The following FAM83B variants were observed in gnomAD, a reference collection of about 807,000 sequenced individuals.
FAM83B encodes protein FAM83B.
Under a neutral mutation model 38.8 loss-of-function variants are expected in FAM83B, and 26 were observed. The observed-to-expected ratio is 0.67, with a 90% CI of 0.49 to 0.93. FAM83B has a LOEUF of 0.93. FAM83B is among the 40% of genes least tolerant of loss of function. The pLI is 0.00. For synonymous variants in FAM83B, 419 were observed against 423.1 expected (o/e 0.99, Z 0.12); for missense variants, 1,237 against 1,197.3 (o/e 1.03, Z -0.49).
chr6:54,910,756 C>T (rs1259985586), intron 2 of FAM83B, among the ~76,000 whole-genome samples: 1 of 152,170 alleles, frequency 6.6e-6, no homozygotes, highest in East Asian at 1.9e-4. Context: ...CCTGCCAGAA[C>T]CCTGAATGAT....
At chr6:54,883,002 G>C (rs1772169356) in intron 2 of FAM83B, among the ~76,000 whole-genome samples, 1 of 152,046 alleles carries the variant, frequency 6.6e-6, no homozygotes, top group Non-Finnish European at 1.5e-5. Context: ...GGAGTGCAGT[G>C]GCGCGATCTC....
chr6:54,879,652 G>T (rs7748753), intron 2 of FAM83B, among the ~76,000 whole-genome samples: 6,365 of 152,152 alleles, frequency 0.042, 437 homozygotes, highest in African/African-American at 0.14. Context: ...TGTTGAGAGA[G>T]GTTGATTACG....
chr6:54,939,431 A>T (rs975222639), intron 4 of FAM83B, among the ~76,000 whole-genome samples: 3 of 152,098 alleles, frequency 2.0e-5, no homozygotes, highest in Non-Finnish European at 4.4e-5. Context: ...AATTGCATTG[A>T]ATCTGCAGAT....
At chr6:54,854,763 A>G (rs950341852) in intron 1 of FAM83B, among the ~76,000 whole-genome samples, 1 of 152,208 alleles carries the variant, frequency 6.6e-6, no homozygotes, top group Non-Finnish European at 1.5e-5. Context: ...GCGTATGCCT[A>G]GGTGTGAAAG....
chr6:54,855,476 C>T (rs574530694), intron 1 of FAM83B, among the ~76,000 whole-genome samples: 3 of 152,224 alleles, frequency 2.0e-5, no homozygotes, highest in South Asian at 2.1e-4. Context: ...AATTCATGTC[C>T]GTTGATATCT....
At chr6:54,929,483 T>C (rs958800147) in intron 4 of FAM83B, among the ~76,000 whole-genome samples, 3 of 152,114 alleles carry the variant, frequency 2.0e-5, no homozygotes, top group African/African-American at 7.2e-5. Context: ...CAGGAAAACA[T>C]GAGGAGTTTT....
chr6:54,889,553 C>T (rs1427655603), intron 2 of FAM83B, among the ~76,000 whole-genome samples: 1 of 152,060 alleles, frequency 6.6e-6, no homozygotes, highest in Admixed American at 6.6e-5. Flanking sequence ...TTGCATATAA[C>T]CTACATACAT....
chr6:54,866,735 A>C (rs1458583932), intron 1 of FAM83B, among the ~76,000 whole-genome samples: 3 of 152,112 alleles, frequency 2.0e-5, no homozygotes, highest in Admixed American at 2.0e-4. Context: ...GCTGCTATAA[A>C]TATTTGTGTA....
At chr6:54,937,126 AT>A (rs1773538081) in intron 4 of FAM83B, among the ~76,000 whole-genome samples, 1 of 151,532 alleles carries the variant, frequency 6.6e-6, no homozygotes, top group African/African-American at 2.4e-5. Context: ...AGATGCTTCA[AT>A]GTGGAGAGTG....
upstream of FAM83B, among the ~76,000 whole-genome samples, chr6:54,846,475 C>A (rs1008314002): frequency 6.6e-6 from 1 of 152,226 alleles, no homozygotes; most frequent in African/African-American, 2.4e-5. Context: ...CTTGTAATTG[C>A]CCCGTAGCCC....
At chr6:54,920,274 C>T (rs568257455) in intron 2 of FAM83B, among the ~76,000 whole-genome samples, 1 of 150,958 alleles carries the variant, frequency 6.6e-6, no homozygotes, top group African/African-American at 2.4e-5. Context: ...TTATTTAATT[C>T]TTAAAAGTTT....
chr6:54,896,991 A>C (rs1270963646), intron 2 of FAM83B, among the ~76,000 whole-genome samples: 2 of 152,160 alleles, frequency 1.3e-5, no homozygotes, highest in East Asian at 3.8e-4. Context: ...AGAATGCACA[A>C]TACTATGAAA....
chr6:54,939,818 C>T lies in FAM83B; in HGVS notation c.847C>T (p.Pro283Ser), dbSNP rs1414738228. The change falls in exon 5 of 5, where the codon CCT (proline) becomes TCT (serine). Residue 283 changes from proline (P) to serine (S), a missense_variant. Pro to Ser is a moderately conservative substitution (Grantham distance 74). Coordinates refer to ENST00000306858, the MANE Select transcript of FAM83B (RefSeq NM_001010872.3). ...AACTCTCTATGCCAGATCCTGTGTC[C>T]CTAGTTCATTTGCTCAGGAAGAATC... ...FRTLYARSCV[P>S]SSFAQEESAR... 1 of 1,613,952 alleles carries T rather than the reference C, an allele frequency of 6.2e-7. No homozygotes were observed. The highest frequency in any genetic ancestry group is 2.2e-5 in the East Asian group (1 of 44,854).
intron 1 of FAM83B, among the ~76,000 whole-genome samples, chr6:54,866,174 G>A (rs1264800498): frequency 6.6e-6 from 1 of 150,878 alleles, no homozygotes; most frequent in African/African-American, 2.4e-5. Flanking sequence ...TGACCCTACA[G>A]ATGAACTCTT....
Position 54,941,196 on chromosome 6 carries a change from C to T in FAM83B, c.2225C>T (p.Ala742Val). ...GTTTKSVSIAALLDVNKEESN... is the reference protein window; with the variant it reads ...GTTTKSVSIAVLLDVNKEESN... Reference sequence around the variant, plus strand: ...ACTACCAAATCAGTTTCCATTGCTGCTTTACTTGATGTGAATAAAGAGGAA... The same window carrying T: ...ACTACCAAATCAGTTTCCATTGCTGTTTTACTTGATGTGAATAAAGAGGAA... The change falls in exon 5 of 5, where the codon GCT becomes GTT. Residue 742 changes from alanine (A) to valine (V), a missense_variant. Coordinates refer to ENST00000306858, the MANE Select transcript of FAM83B (RefSeq NM_001010872.3). The T allele has an allele frequency of 6.2e-7, 1 of 1,613,978 alleles. No individual in the cohort carries two copies. The highest frequency in any genetic ancestry group is 8.5e-7 in the Non-Finnish European group (1 of 1,179,980).
intron 1 of FAM83B, among the ~76,000 whole-genome samples, chr6:54,862,617 C>T (rs1434884284): frequency 6.6e-6 from 1 of 152,112 alleles, no homozygotes. Context: ...TGCCTCATGC[C>T]TGTAATCCTA....
rs1772624744 is a variant in FAM83B, at chr6:54,899,998, G to A, written c.445-26373G>A. Among the ~76,000 whole-genome samples the A allele has an allele frequency of 2.0e-5, 3 of 152,118 alleles. No individual in the cohort carries two copies. The South Asian group carries it at 6.2e-4, about 32-fold the overall frequency. On this transcript the variant is annotated intron_variant, in intron 2 of 4. Transcript: ENST00000306858. ...AAAGGAAACCTGATATATGAAACAAGTTAGTAATTTATCCTATGATAATAT... is the reference window on the plus strand; with the variant it reads ...AAAGGAAACCTGATATATGAAACAAATTAGTAATTTATCCTATGATAATAT...
intron 1 of FAM83B, among the ~76,000 whole-genome samples, chr6:54,849,823 A>G (rs1771230477): frequency 6.6e-6 from 1 of 151,872 alleles, no homozygotes; most frequent in African/African-American, 2.4e-5. Context: ...TTACTGGTCC[A>G]TGGGAAACTT....
At chr6:54,846,993 T>C in intron 1 of FAM83B, among the ~76,000 whole-genome samples, 167 bp downstream of exon 1, 1 of 152,024 alleles carries the variant, frequency 6.6e-6, no homozygotes, top group East Asian at 1.9e-4. Context: ...GCAGGCGGGA[T>C]TGGAAATTCC....
Sources: gnomAD v4.1 joint callset for allele counts (sites outside exome capture counted in the v4.1 genomes callset) on GRCh38, gnomAD v4.1.1 for gene constraint, MANE v1.5 for transcripts, NCBI Gene and HGNC (gene_info 2026-07-23, HGNC 2026-07-21) for gene names.